CSMD3: variants seen among roughly 807,000 people sequenced by gnomAD.
CSMD3 encodes the protein CUB and sushi domain-containing protein 3.
Under a neutral mutation model 435.2 loss-of-function variants are expected in CSMD3, and 177 were observed. That is an observed-to-expected ratio of 0.41 (90% CI 0.36 to 0.46). The LOEUF is 0.46. CSMD3 is among the 20% of genes least tolerant of loss of function. The pLI is 0.34. For synonymous variants in CSMD3, 1,656 were observed against 1,520.5 expected, an observed-to-expected ratio of 1.09 and a Z score of -2.07; for missense variants, 4,265 against 4,504.6, an observed-to-expected ratio of 0.95 and a Z score of 1.52.
intron 8 of CSMD3, among the ~76,000 whole-genome samples, chr8:112,953,756 A>G (rs1292633205): frequency 6.6e-6 from 1 of 151,454 alleles, no homozygotes; most frequent in Non-Finnish European, 1.5e-5. Context: ...ATATAGCTAT[A>G]ATAAATGATT....
intron 9 of CSMD3, among the ~76,000 whole-genome samples, chr8:112,947,000 TA>T (rs1480496561): frequency 6.6e-6 from 1 of 151,516 alleles, no homozygotes; most frequent in Non-Finnish European, 1.5e-5. Context: ...TAAGTAAAAA[TA>T]AAAAATATGT....
At chr8:112,772,328 CAT>C (rs1563945362) in intron 13 of CSMD3, among the ~76,000 whole-genome samples, 1 of 152,086 alleles carries the variant, frequency 6.6e-6, no homozygotes, top group Non-Finnish European at 1.5e-5. Flanking sequence ...ATCCCTAAGA[CAT>C]GTGCTGTGTC....
chr8:112,434,999 A>T (rs1814163275), intron 32 of CSMD3, among the ~76,000 whole-genome samples: 1 of 152,064 alleles, frequency 6.6e-6, no homozygotes. Flanking sequence ...TTTCAGCAAA[A>T]AGCAAGGTGC....
chr8:113,412,060 C>T (rs547927137), intron 1 of CSMD3, among the ~76,000 whole-genome samples: 2 of 151,970 alleles, frequency 1.3e-5, no homozygotes, highest in African/African-American at 2.4e-5. Flanking sequence ...ACAACAGTGT[C>T]GCTATCATGA....
intron 4 of CSMD3, among the ~76,000 whole-genome samples, chr8:113,153,388 A>G (rs2091870770): frequency 6.6e-6 from 1 of 152,098 alleles, no homozygotes; most frequent in Non-Finnish European, 1.5e-5. Context: ...AAGATGCATA[A>G]TTATTATAAG....
chr8:113,302,876 C>T (rs2093785169), intron 2 of CSMD3, among the ~76,000 whole-genome samples: 1 of 144,688 alleles, frequency 6.9e-6, no homozygotes, highest in South Asian at 2.4e-4. Context: ...TCTCTCACCG[C>T]TCCTATTCAA....
At chr8:112,297,309 G>A (rs554654798) in intron 53 of CSMD3, among the ~76,000 whole-genome samples, 53 of 147,852 alleles carry the variant, frequency 3.6e-4, no homozygotes, top group Non-Finnish European at 5.8e-4. Flanking sequence ...AAGGACCAAA[G>A]TACTTCATAA....
rs764146300 is a variant in CSMD3 at position 112,301,905 on chromosome 8, T to C, written c.8328A>G (p.Ser2776=). 8 of 1,613,202 alleles carry C rather than the reference T, an allele frequency of 5.0e-6. No homozygotes were observed. Among genetic ancestry groups the C allele is most frequent in the Admixed American group, 1.7e-5 (1 of 59,986 alleles). The part of the protein sequence containing the change: ...PNGNKIGTQT[S]YGSTAIFTCD... ...AGGTAAAGATAGCTGTTGAGCCATA[T>C]GAAGTTTGAGTTCCAATCTTATTTC... The change falls in exon 53 of 71, where the codon TCA becomes TCG. Residue 2776 remains serine (S), a synonymous_variant. Coordinates refer to ENST00000297405, the MANE Select transcript of CSMD3 (RefSeq NM_198123.2).
chr8:112,432,138 A>C (rs1813785518), intron 32 of CSMD3, among the ~76,000 whole-genome samples: 1 of 152,240 alleles, frequency 6.6e-6, no homozygotes, highest in East Asian at 1.9e-4. Flanking sequence ...CAACAACCCA[A>C]AGCAAGGCAG....
At chr8:112,990,080 G>T (rs1454649385) in intron 6 of CSMD3, among the ~76,000 whole-genome samples, 1 of 151,942 alleles carries the variant, frequency 6.6e-6, no homozygotes, top group African/African-American at 2.4e-5. Context: ...ATGATTGTGA[G>T]GCCTCCCCAG....
chr8:112,435,459 T>G (rs960068435), intron 32 of CSMD3, among the ~76,000 whole-genome samples: 1 of 152,052 alleles, frequency 6.6e-6, no homozygotes, highest in Non-Finnish European at 1.5e-5. Context: ...AGTCTAAATT[T>G]TAACCATTAT....
intron 32 of CSMD3, among the ~76,000 whole-genome samples, chr8:112,416,812 A>G (rs924147607): frequency 6.6e-6 from 1 of 152,166 alleles, no homozygotes. Flanking sequence ...GTCAGAAAAA[A>G]AAAACTGAGA....
chr8:112,685,345 C>A (rs1217771017), intron 15 of CSMD3, 61 bp downstream of exon 15: 1 of 1,417,492 alleles, frequency 7.1e-7, no homozygotes, highest in East Asian at 2.4e-5. Context: ...TACATGATCA[C>A]TTTTCAACTC....
At chr8:112,412,182 G>T (rs564568320) in intron 32 of CSMD3, among the ~76,000 whole-genome samples, 3 of 151,956 alleles carry the variant, frequency 2.0e-5, no homozygotes, top group Admixed American at 1.3e-4. Context: ...TAAAATTTTT[G>T]ATTTAAATAT....
intron 4 of CSMD3, among the ~76,000 whole-genome samples, chr8:113,166,655 A>G (rs1451529677): frequency 1.3e-5 from 2 of 152,094 alleles, no homozygotes; most frequent in Non-Finnish European, 2.9e-5. Flanking sequence ...GATGTCTAAT[A>G]CTTGCTGATC....
At chr8:112,350,649 T>G (rs1252172937) in intron 40 of CSMD3, among the ~76,000 whole-genome samples, 1 of 151,902 alleles carries the variant, frequency 6.6e-6, no homozygotes, top group Non-Finnish European at 1.5e-5. Flanking sequence ...AAAGCATGAA[T>G]AGAAGTAATT....
intron 13 of CSMD3, among the ~76,000 whole-genome samples, chr8:112,742,695 G>GA (rs1462005352): frequency 6.6e-6 from 1 of 151,284 alleles, no homozygotes; most frequent in Non-Finnish European, 1.5e-5. Context: ...CTCGATGATT[G>GA]AAAAAAAATA....
At chr8:113,257,904 T>A (rs938634854) in intron 3 of CSMD3, among the ~76,000 whole-genome samples, 1 of 152,140 alleles carries the variant, frequency 6.6e-6, no homozygotes, top group Non-Finnish European at 1.5e-5. Flanking sequence ...AAATTTTTTT[T>A]AATTTGCTGA....
intron 10 of CSMD3, among the ~76,000 whole-genome samples, chr8:112,873,829 G>A (rs1257692927): frequency 6.6e-6 from 1 of 151,706 alleles, no homozygotes; most frequent in Non-Finnish European, 1.5e-5. Flanking sequence ...CTGGCTAGCA[G>A]ACTATTTTGT....
Sources: gnomAD v4.1 joint callset for allele counts (sites outside exome capture counted in the v4.1 genomes callset) on GRCh38, gnomAD v4.1.1 for gene constraint, MANE v1.5 for transcripts, NCBI Gene and HGNC (gene_info 2026-07-23, HGNC 2026-07-21) for gene names.